Variants in UBE2D3 observed in about 807,000 individuals in gnomAD.
UBE2D3 encodes the protein ubiquitin conjugating enzyme E2 D3.
Under a neutral mutation model 22.8 loss-of-function variants are expected in UBE2D3, and 2 were observed. That is an observed-to-expected ratio of 0.09 (90% confidence interval 0.04 to 0.28). UBE2D3 has a LOEUF of 0.28. Among genes scored for constraint, UBE2D3 ranks in the 10% least tolerant of loss-of-function variants. The pLI is 1.00. For synonymous variants in UBE2D3, 56 were observed against 60.4 expected (o/e 0.93, Z 0.34); for missense variants, 27 against 182.5 (o/e 0.15, Z 4.91).
chr4:102,799,209 A>G (rs1725737050), intron 7 of UBE2D3, among the ~76,000 whole-genome samples, 198 bp downstream of exon 7: 1 of 151,850 alleles, frequency 6.6e-6, no homozygotes, highest in Admixed American at 6.6e-5. Flanking sequence ...ACAATAAAAC[A>G]TTTTAGAGGG....
intron 2 of UBE2D3, 91 bp from the exon 3 acceptor site, chr4:102,809,946 T>G: frequency 8.0e-7 from 1 of 1,247,174 alleles, no homozygotes; most frequent in Non-Finnish European, 1.2e-6. Context: ...TTTCACCCTA[T>G]TTTTAAAGGC....
chr4:102,827,624 C>G, upstream of UBE2D3: 1 of 986,914 alleles, frequency 1.0e-6, no homozygotes, highest in Non-Finnish European at 1.2e-6. Flanking sequence ...CCGCCAACGC[C>G]GCCGTCCCGA....
chr4:102,804,155 G>A (rs1317753936), intron 4 of UBE2D3, among the ~76,000 whole-genome samples: 2 of 151,996 alleles, frequency 1.3e-5, no homozygotes, highest in African/African-American at 4.8e-5. Flanking sequence ...GAATGGGAAC[G>A]GGAAGGGGGA....
intron 1 of UBE2D3, among the ~76,000 whole-genome samples, chr4:102,852,877 G>C (rs899557360): frequency 1.3e-5 from 2 of 151,968 alleles, no homozygotes; most frequent in Non-Finnish European, 2.9e-5. Flanking sequence ...CCTTTTACTT[G>C]GACCCCTCAC....
At chr4:102,829,923 A>C (rs936987040), upstream of UBE2D3, among the ~76,000 whole-genome samples, 1 of 152,232 alleles carries the variant, frequency 6.6e-6, no homozygotes, top group South Asian at 2.1e-4. Flanking sequence ...CTGTCTCAAA[A>C]AAAAACAAGA....
chr4:102,823,738 A>G (rs1729997116), intron 2 of UBE2D3, among the ~76,000 whole-genome samples: 1 of 152,246 alleles, frequency 6.6e-6, no homozygotes, highest in South Asian at 2.1e-4. Context: ...GAATACAGGA[A>G]AAAAGTTGAT....
intron 6 of UBE2D3, among the ~76,000 whole-genome samples, chr4:102,799,963 CTAAA>C (rs1055176180): frequency 4.6e-5 from 7 of 151,890 alleles, no homozygotes; most frequent in African/African-American, 1.7e-4. Flanking sequence ...AAGTGCTCCA[CTAAA>C]TGTCTCCTTG....
intron 2 of UBE2D3, among the ~76,000 whole-genome samples, chr4:102,824,062 A>C (rs1730052136): frequency 6.6e-6 from 1 of 152,198 alleles, no homozygotes; most frequent in Non-Finnish European, 1.5e-5. Context: ...TTGGATGTGG[A>C]ATGTTTGAAA....
chr4:102,864,973 A>G (rs1733078291), intron 1 of UBE2D3, among the ~76,000 whole-genome samples: 2 of 152,348 alleles, frequency 1.3e-5, no homozygotes, highest in African/African-American at 4.8e-5. Flanking sequence ...ATGTAAAATA[A>G]TAACAAATGA....
intron 1 of UBE2D3, among the ~76,000 whole-genome samples, chr4:102,845,948 AC>A (rs1170631537): frequency 6.6e-6 from 1 of 151,714 alleles, no homozygotes; most frequent in African/African-American, 2.4e-5. Flanking sequence ...GCACCATCAC[AC>A]CCAGCTAATT....
intron 4 of UBE2D3, among the ~76,000 whole-genome samples, chr4:102,806,975 A>G (rs1727164063): frequency 6.6e-6 from 1 of 152,192 alleles, no homozygotes; most frequent in South Asian, 2.1e-4. Flanking sequence ...TGATTATTAA[A>G]GCCAAGCAAT....
At chr4:102,855,575 C>T (rs991667326) in intron 1 of UBE2D3, among the ~76,000 whole-genome samples, 4 of 152,118 alleles carry the variant, frequency 2.6e-5, no homozygotes, top group African/African-American at 9.7e-5. Flanking sequence ...TGTGTGCCAC[C>T]ACACCCACCT....
At chr4:102,808,538 C>T (rs150417555) in intron 4 of UBE2D3, among the ~76,000 whole-genome samples, 15 of 152,262 alleles carry the variant, frequency 9.9e-5, no homozygotes, top group African/African-American at 3.6e-4. Context: ...AGTTTTTCTA[C>T]CTTTAGGGCA....
Position 102,826,758 on chromosome 4 carries a change from G to T in UBE2D3, c.-128-122C>A, listed in dbSNP as rs988118546. On this transcript the variant is annotated intron_variant, in intron 1 of 7. Coordinates refer to ENST00000453744, the MANE Select transcript of UBE2D3 (RefSeq NM_181891.3). Reference sequence around the variant, plus strand: ...GGGTGGCGTGGCAAAGCCACCAACAGCCTCTGTACCGTGCTTTCGGCCCGA... The same window carrying T: ...GGGTGGCGTGGCAAAGCCACCAACATCCTCTGTACCGTGCTTTCGGCCCGA... The T allele has an allele frequency of 2.1e-5, 28 of 1,337,786 alleles. No individual in the cohort carries two copies. The Admixed American group carries it at 9.4e-4, about 45-fold the overall frequency. The allele number at this position is 1,337,786 out of a possible 1,614,324, so 82.9% of individuals were successfully genotyped here.
intron 1 of UBE2D3, among the ~76,000 whole-genome samples, chr4:102,847,196 A>C (rs1449460090): frequency 6.6e-6 from 1 of 152,218 alleles, no homozygotes; most frequent in Admixed American, 6.5e-5. Context: ...AATTGATACT[A>C]CAAATCTACC....
chr4:102,827,966 C>G, upstream of UBE2D3: 1 of 985,508 alleles, frequency 1.0e-6, no homozygotes, highest in Non-Finnish European at 1.2e-6. Context: ...AGACGACTCT[C>G]GCGAGAACTT....
At chr4:102,810,452 G>A (rs1203063379) in intron 2 of UBE2D3, 1 of 140,348 alleles carries the variant, frequency 7.1e-6, no homozygotes, top group Non-Finnish European at 1.5e-5. Context: ...CCAGGCTGCA[G>A]TGCAGTGGCG....
rs369829420 is a variant in UBE2D3, at chr4:102,794,941, T to C, written c.*2474A>G. 4 of 152,142 alleles carry C rather than the reference T, an allele frequency of 2.6e-5. No homozygotes were observed. Among genetic ancestry groups the C allele is most frequent in the African/African-American group, 9.6e-5 (4 of 41,542 alleles). The allele number at this position is 152,142 out of a possible 1,614,324, so 9.4% of individuals were successfully genotyped here. On this transcript the variant is annotated 3_prime_UTR_variant, in exon 8 of 8. Transcript: ENST00000453744. Reference sequence around the variant, plus strand: ...AGTCAAAACTGATTCTAATACTCAGTTGGGTCCTATACATGGCACTAGTAA... The same window carrying C: ...AGTCAAAACTGATTCTAATACTCAGCTGGGTCCTATACATGGCACTAGTAA...
At chr4:102,860,859 G>A (rs558601772) in intron 1 of UBE2D3, among the ~76,000 whole-genome samples, 1 of 151,830 alleles carries the variant, frequency 6.6e-6, no homozygotes, top group South Asian at 2.1e-4. Flanking sequence ...GGGTGTGCTT[G>A]TCAGTTGAGG....
Sources: allele counts gnomAD v4.1 joint callset (sites outside exome capture counted in the v4.1 genomes callset), GRCh38; gene constraint gnomAD v4.1.1; transcripts MANE v1.5; gene names NCBI Gene and HGNC (gene_info 2026-07-23, HGNC 2026-07-21).